The following FRYL variants were observed in gnomAD, a reference collection of about 807,000 sequenced individuals.
FRYL encodes the protein FRY like transcription coactivator, also known as protein furry homolog-like.
A neutral mutation model predicts 351.2 loss-of-function variants in FRYL; 150 were observed. The observed-to-expected ratio is 0.43, with a 90% confidence interval of 0.37 to 0.49. FRYL has a LOEUF of 0.49. FRYL is among the 20% of genes least tolerant of loss of function. The probability of loss-of-function intolerance (pLI) is 0.00; values close to 1 mark genes in which losing one functional copy is unlikely to be tolerated. For missense variants in FRYL, 3,036 were observed against 3,619.3 expected, an observed-to-expected ratio of 0.84 and a Z score of 4.13; for synonymous variants, 1,153 against 1,257.1, an observed-to-expected ratio of 0.92 and a Z score of 1.75.
chr4:48,565,135 A>AC (rs1736478821), intron 29 of FRYL, 92 bp from the exon 30 acceptor site: 1 of 612,312 alleles, frequency 1.6e-6, no homozygotes, highest in Non-Finnish European at 2.8e-6. Context: ...TTATCTAGTC[A>AC]CAATACTTTA....
At chr4:48,515,905 C>G (rs1442319357) in intron 55 of FRYL, among the ~76,000 whole-genome samples, 4 of 152,082 alleles carry the variant, frequency 2.6e-5, no homozygotes, top group Non-Finnish European at 4.4e-5. Flanking sequence ...TAAATCGTCT[C>G]CTGTTTGAAA....
intron 33 of FRYL, among the ~76,000 whole-genome samples, 196 bp downstream of exon 33, chr4:48,561,272 A>T (rs1010292623): frequency 6.6e-6 from 1 of 152,150 alleles, no homozygotes; most frequent in African/African-American, 2.4e-5. Flanking sequence ...CCCTATAAGG[A>T]CGCCGTTGAT....
At chr4:48,646,995 A>C (rs1217192040) in intron 3 of FRYL, among the ~76,000 whole-genome samples, 1 of 152,216 alleles carries the variant, frequency 6.6e-6, no homozygotes, top group Non-Finnish European at 1.5e-5. Context: ...TAATCAACAA[A>C]AAGGTATGCC....
intron 1 of FRYL, among the ~76,000 whole-genome samples, chr4:48,720,684 T>C (rs2883410): frequency 0.98 from 149,803 of 152,276 alleles, 73,721 homozygotes; most frequent in East Asian, 1. Context: ...CACCATTCTA[T>C]TTTCTGTCTC....
intron 21 of FRYL, 152 bp downstream of exon 21, chr4:48,581,268 A>C (rs1007884628): frequency 1.7e-6 from 1 of 605,818 alleles, no homozygotes; most frequent in African/African-American, 1.9e-5. Flanking sequence ...CGATCTCCTG[A>C]TCTCGTGATC....
intron 53 of FRYL, among the ~76,000 whole-genome samples, chr4:48,526,274 T>C (rs1726218035): frequency 6.6e-6 from 1 of 152,168 alleles, no homozygotes. Context: ...ATACAGATAT[T>C]TGTAGCAATT....
chr4:48,727,684 T>A (rs1770235187), intron 1 of FRYL, among the ~76,000 whole-genome samples: 1 of 152,176 alleles, frequency 6.6e-6, no homozygotes, highest in Non-Finnish European at 1.5e-5. Context: ...CATTTTGAAA[T>A]GCACCACAAC....
rs372628391 is a variant in FRYL at position 48,499,441 on chromosome 4, A to G, written c.9023T>C (p.Met3008Thr). ...AGTGTCTCAGAATCCAGTGCTCACC[A>G]TATTTCCCATTGGTTTGGCCTGTGC... is the stretch of plus-strand genomic sequence containing the variant. ...LLAQAKPMGN[M>T]VSTGF The change falls in exon 64 of 64, where the codon ATG becomes ACG. Residue 3008 changes from methionine to threonine, a missense_variant. Met to Thr is a moderately conservative substitution (Grantham distance 81). This residue lies in a region of FRYL where 1,987 missense variants were observed against 2,311.7 expected (regional missense o/e 0.86). Transcript: ENST00000358350. 1.1e-5 allele frequency: 17 copies of G among 1,614,064 alleles called. No homozygotes were observed. The highest frequency in any genetic ancestry group is 3.3e-5 in the Admixed American group (2 of 60,014).
At chr4:48,568,111 A>T (rs1737241765) in intron 27 of FRYL, among the ~76,000 whole-genome samples, 1 of 152,186 alleles carries the variant, frequency 6.6e-6, no homozygotes. Context: ...CAAAAAATAC[A>T]AAAATTTGCC....
intron 53 of FRYL, among the ~76,000 whole-genome samples, chr4:48,525,196 T>TATGTAC (rs759279145): frequency 1.5e-5 from 2 of 133,056 alleles, no homozygotes; most frequent in Non-Finnish European, 3.2e-5. Context: ...TATATATATA[T>TATGTAC]ACACACACTT....
At chr4:48,503,159 T>TA (rs1013606423) in intron 60 of FRYL, among the ~76,000 whole-genome samples, 63 of 146,274 alleles carry the variant, frequency 4.3e-4, no homozygotes, top group Admixed American at 5.5e-4. Flanking sequence ...TATCCAGGTT[T>TA]AAAAAAAAAA....
intron 27 of FRYL, among the ~76,000 whole-genome samples, chr4:48,568,194 G>T (rs769794499): frequency 5.3e-5 from 8 of 152,332 alleles, no homozygotes; most frequent in Non-Finnish European, 1.0e-4. Flanking sequence ...GAGCCTGGGA[G>T]ACCTGTGATC....
chr4:48,672,478 A>G (rs1762902066), intron 3 of FRYL, among the ~76,000 whole-genome samples: 1 of 152,234 alleles, frequency 6.6e-6, no homozygotes, highest in Non-Finnish European at 1.5e-5. Context: ...GAAAAGGAAC[A>G]TATTTCACAC....
intron 44 of FRYL, among the ~76,000 whole-genome samples, chr4:48,542,580 C>T (rs1221946091): frequency 2.6e-5 from 4 of 152,188 alleles, no homozygotes; most frequent in African/African-American, 4.8e-5. Flanking sequence ...GCACACCTAG[C>T]TAATTTTTGT....
At chr4:48,777,628 C>A (rs1158860772) in intron 1 of FRYL, among the ~76,000 whole-genome samples, 1 of 152,122 alleles carries the variant, frequency 6.6e-6, no homozygotes, top group Non-Finnish European at 1.5e-5. Context: ...GAAATACAGT[C>A]TAGATATTTC....
At chr4:48,760,409 TTCTAA>T (rs1207397161) in intron 1 of FRYL, among the ~76,000 whole-genome samples, 2 of 152,248 alleles carry the variant, frequency 1.3e-5, no homozygotes, top group African/African-American at 4.8e-5. Flanking sequence ...CACTTACTTG[TTCTAA>T]TCATTTTTTT....
At chr4:48,563,110 C>T in intron 31 of FRYL, 122 bp from the exon 32 acceptor site, 2 of 613,382 alleles carry the variant, frequency 3.3e-6, no homozygotes, top group Non-Finnish European at 5.8e-6. Flanking sequence ...TATGAGGAGA[C>T]TTGGTTTTTT....
chr4:48,727,695 A>T (rs888426831), intron 1 of FRYL, among the ~76,000 whole-genome samples: 3 of 152,178 alleles, frequency 2.0e-5, no homozygotes. Flanking sequence ...GCACCACAAC[A>T]TTCTGTTTTT....
chr4:48,604,411 T>C (rs958036208), intron 11 of FRYL, among the ~76,000 whole-genome samples: 3 of 152,208 alleles, frequency 2.0e-5, no homozygotes, highest in African/African-American at 7.2e-5. Flanking sequence ...CATTAGGAAA[T>C]AGGTCATTGC....
Sources: allele counts gnomAD v4.1 joint callset (sites outside exome capture counted in the v4.1 genomes callset), GRCh38; gene constraint gnomAD v4.1.1; regional missense constraint gnomAD v4.1.1; transcripts MANE v1.5; gene names NCBI Gene and HGNC (gene_info 2026-07-23, HGNC 2026-07-21).